Variants in F10 observed in about 807,000 individuals in gnomAD.
F10 encodes the protein coagulation factor X.
F10 carries 29 observed loss-of-function variants against 37.1 expected under a neutral mutation model. That is an observed-to-expected ratio of 0.78 (90% CI 0.58 to 1.07). The LOEUF (loss-of-function observed/expected upper bound fraction) is 1.07, where lower values mean the gene tolerates loss of function less well. F10 is among the 50% of genes least tolerant of loss of function. The pLI is 0.00. For synonymous variants in F10, 262 were observed against 268.6 expected (o/e 0.98, Z 0.24); for missense variants, 539 against 667.9 (o/e 0.81, Z 2.13).
intron 2 of F10, chr13:113,131,895 C>T (rs1490175039): frequency 6.6e-6 from 1 of 152,328 alleles, no homozygotes; most frequent in Non-Finnish European, 1.5e-5. Flanking sequence ...GGCTTCCGCC[C>T]ACAGCTGGTT....
rs768987953 is a variant in F10, at chr13:113,143,532, G to A, written c.503-319G>A. Among the ~76,000 whole-genome samples the A allele has an allele frequency of 2.5e-4, 38 of 152,094 alleles. No individual in the cohort carries two copies. The highest frequency in any genetic ancestry group is 5.9e-4 in the Admixed American group (9 of 15,278). ...CCGGCCCGTTTGTCTCTGTCCATCC[G>A]TCAAGCTTTCTTGACTTCTTGGTGC... On this transcript the variant is annotated intron_variant, in intron 5 of 7. Transcript: ENST00000375559. The surrounding 1 kb of genome is among the most constrained non-coding windows in gnomAD (Gnocchi z 6.8).
At chr13:113,132,143 G>A (rs892233310) in intron 2 of F10, 2 of 152,322 alleles carry the variant, frequency 1.3e-5, no homozygotes, top group Middle Eastern at 3.4e-3. Context: ...ATTAAATTAA[G>A]AATTCCTTTT....
In F10 at chr13:113,134,545, C is replaced by T. The variant is rs1369523752; in HGVS notation, c.232-3912C>T. Among the ~76,000 whole-genome samples, 4 of 152,276 alleles carry T rather than the reference C, an allele frequency of 2.6e-5. 1 individual carries two copies. Among genetic ancestry groups the T allele is most frequent in the Middle Eastern group, 6.8e-3 (2 of 294 alleles). ...CTCCCACGAGAACAGCATGGAGGAA[C>T]CACCCTCACGATTCAGTTACCTCCC... is the stretch of plus-strand genomic sequence containing the variant. On this transcript the variant is annotated intron_variant, in intron 2 of 7. Transcript: ENST00000375559.
intron 2 of F10, chr13:113,130,507 G>A (rs1342508630): frequency 6.6e-6 from 1 of 152,466 alleles, no homozygotes; most frequent in Non-Finnish European, 1.5e-5. Flanking sequence ...AGCCGAGAAG[G>A]GGGCCAAGCC....
chr13:113,139,409 C>T lies in F10; in HGVS notation c.309C>T (p.Asp103=), dbSNP rs757060893. 1.2e-5 allele frequency: 20 copies of T among 1,613,754 alleles called. No individual in the cohort carries two copies. Among genetic ancestry groups the T allele is most frequent in the East Asian group, 8.9e-5 (4 of 44,892 alleles). ...SPCQNQGKCK[D]GLGEYTCTCL... is the part of the protein sequence containing the mutation. Reference sequence around the variant, plus strand: ...GCCAGAACCAGGGCAAATGTAAAGACGGCCTCGGGGAATACACCTGCACCT... The same window carrying T: ...GCCAGAACCAGGGCAAATGTAAAGATGGCCTCGGGGAATACACCTGCACCT... The change falls in exon 4 of 8, where the codon GAC becomes GAT. Residue 103 remains aspartate (D), a synonymous_variant. Transcript: ENST00000375559. This position sits in a 1 kb window ranked among gnomAD's most constrained non-coding sequence, Gnocchi z 5.2.
intron 2 of F10, among the ~76,000 whole-genome samples, chr13:113,137,524 G>GT (rs1216269818): frequency 1.3e-5 from 2 of 152,160 alleles, no homozygotes; most frequent in Non-Finnish European, 2.9e-5. Flanking sequence ...AGAAGATAGT[G>GT]TATTTGCTTC....
At chr13:113,142,208 G>A (rs56284652) in intron 5 of F10, among the ~76,000 whole-genome samples, 9 of 152,112 alleles carry the variant, frequency 5.9e-5, no homozygotes, top group East Asian at 3.8e-4. Flanking sequence ...ACATACACAC[G>A]AATATTTTTT....
At position 113,149,489 on chromosome 13, in the gene F10, A is replaced by G; in HGVS notation, c.1439A>G (p.Glu480Gly). ...GLPKAKSHAP[E>G]VITSSPLK The stretch of plus-strand genomic sequence containing the variant: ...CCCAAGGCCAAGAGCCATGCCCCGG[A>G]GGTCATAACGTCCTCTCCATTAAAG... Residue 480 changes from glutamate to glycine, a missense_variant, in exon 8 of 8, where the codon GAG becomes GGG. Coordinates refer to ENST00000375559, the MANE Select transcript of F10 (RefSeq NM_000504.4). This position sits in a 1 kb window ranked among gnomAD's most constrained non-coding sequence, Gnocchi z 7.5. 1 of 1,613,192 alleles carries G rather than the reference A, an allele frequency of 6.2e-7. No individual in the cohort carries two copies. The highest frequency in any genetic ancestry group is 1.1e-5 in the South Asian group (1 of 91,084).
Position 113,143,735 on chromosome 13 carries a change from G to GGT in F10, c.503-115_503-114insTG. On this transcript the variant is annotated intron_variant, in intron 5 of 7. Transcript: ENST00000375559. This position sits in a 1 kb window ranked among gnomAD's most constrained non-coding sequence, Gnocchi z 6.8. ...CGCCCTGCAAGCCCGCTGCCCCTCC[G>GGT]GGTGCCCCTGCGCTCTGCCTCCCGG... is the stretch of plus-strand genomic sequence containing the variant. The GGT allele has an allele frequency of 6.8e-7, 1 of 1,473,320 alleles. No individual in the cohort carries two copies. Among genetic ancestry groups the GGT allele is most frequent in the South Asian group, 1.3e-5 (1 of 79,114 alleles). 91.3% of individuals were successfully genotyped at this position (1,473,320 alleles called of 1,614,324 possible).
chr13:113,129,875 C>A, intron 2 of F10: 1 of 530,846 alleles, frequency 1.9e-6, no homozygotes, highest in South Asian at 2.0e-5. Context: ...CACAGGGCTT[C>A]TGCCAGAGTT....
In F10 at chr13:113,147,402, C is replaced by T. The variant is rs531375253; in HGVS notation, c.771C>T (p.Asn257=). ...PWQALLINEE[N]EGFCGGTILS... ...AGGCCCTGCTCATCAATGAGGAAAACGAGGGTTTCTGTGGTGGAACCATTC... is the reference window on the plus strand; with the variant it reads ...AGGCCCTGCTCATCAATGAGGAAAATGAGGGTTTCTGTGGTGGAACCATTC... Residue 257 remains asparagine (N), a synonymous_variant, in exon 7 of 8, where the codon AAC becomes AAT. Transcript: ENST00000375559. 62 of 1,613,460 alleles carry T rather than the reference C, an allele frequency of 3.8e-5. 1 individual carries two copies. The highest frequency in any genetic ancestry group is 3.6e-4 in the East Asian group (16 of 44,878).
intron 1 of F10, 119 bp downstream of exon 1, chr13:113,123,044 G>A: frequency 8.3e-7 from 1 of 1,211,606 alleles, no homozygotes; most frequent in South Asian, 1.3e-5. Context: ...TGCTGCCAGA[G>A]GCTGGGCTCG....
intron 2 of F10, chr13:113,129,863 G>A (rs986614516): frequency 1.8e-6 from 1 of 548,932 alleles, no homozygotes; most frequent in African/African-American, 1.9e-5. Flanking sequence ...TCCCTTGAGG[G>A]TCACAGGGCT....
rs773092438 is a variant in F10 at position 113,147,364 on chromosome 13, T to A, written c.748-15T>A. 1.7e-5 allele frequency: 27 copies of A among 1,575,532 alleles called. No individual in the cohort carries two copies. In the East Asian group the frequency reaches 5.1e-4, roughly 30 times the overall value. The stretch of plus-strand genomic sequence containing the variant: ...CACCTGGCCAGCCACACTGAGCCTG[T>A]CACGTCTGTCACAGGCCCTGCTCAT... On this transcript the variant is annotated splice_polypyrimidine_tract_variant and intron_variant, in intron 6 of 7. Transcript: ENST00000375559.
intron 2 of F10, chr13:113,131,886 G>GCTTC (rs2036437683): frequency 6.6e-6 from 1 of 152,310 alleles, no homozygotes; most frequent in Non-Finnish European, 1.5e-5. Flanking sequence ...TGGAATATGG[G>GCTTC]CTTCCGCCCA....
rs1043609438 is a variant in F10, at chr13:113,139,912, A to G, written c.370+442A>G. On this transcript the variant is annotated intron_variant, in intron 4 of 7. Coordinates refer to ENST00000375559, the MANE Select transcript of F10 (RefSeq NM_000504.4). The surrounding 1 kb of genome is among the most constrained non-coding windows in gnomAD (Gnocchi z 5.2). ...ATTTGTGAATATTTGTGATTGGCCA[A>G]TTATAAAAATTTGATACATTTAATT... Among the ~76,000 whole-genome samples the G allele has an allele frequency of 6.6e-6, 1 of 152,188 alleles. No homozygotes were observed. The highest frequency in any genetic ancestry group is 2.1e-4 in the South Asian group (1 of 4,830).
chr13:113,146,199 G>C lies in F10; in HGVS notation c.748-1180G>C, dbSNP rs1012538045. On this transcript the variant is annotated intron_variant, in intron 6 of 7. Coordinates refer to ENST00000375559, the MANE Select transcript of F10 (RefSeq NM_000504.4). The surrounding 1 kb of genome is among the most constrained non-coding windows in gnomAD (Gnocchi z 4.5). ...TGTGTCAGGCACTGAGCCGGGTGCTGTGTAGGTGGGATATGAAACCATGAA... is the reference window on the plus strand; with the variant it reads ...TGTGTCAGGCACTGAGCCGGGTGCTCTGTAGGTGGGATATGAAACCATGAA... 1.3e-5 allele frequency among the ~76,000 whole-genome samples: 2 copies of C among 152,228 alleles called. No individual in the cohort carries two copies. Among genetic ancestry groups the C allele is most frequent in the East Asian group, 3.9e-4 (2 of 5,194 alleles).
chr13:113,144,150 C>T lies in F10; in HGVS notation c.747+55C>T. 6.2e-7 allele frequency: 1 copy of T among 1,610,092 alleles called. No homozygotes were observed. The highest frequency in any genetic ancestry group is 8.5e-7 in the Non-Finnish European group (1 of 1,179,430). On this transcript the variant is annotated intron_variant, in intron 6 of 7. Transcript: ENST00000375559. This position sits in a 1 kb window ranked among gnomAD's most constrained non-coding sequence, Gnocchi z 6.4. ...TGGAGAGACCACCTGTCCCGCTGTG[C>T]ACCTCGGGGAGGCCAGCCTGACACT...
chr13:113,139,487 G>C lies in F10; in HGVS notation c.370+17G>C. The C allele has an allele frequency of 6.3e-7, 1 of 1,596,470 alleles. No individual in the cohort carries two copies. Among genetic ancestry groups the C allele is most frequent in the Non-Finnish European group, 8.6e-7 (1 of 1,164,126 alleles). ...GTGAATTATGTAGGTTCCTCTGCTT[G>C]GTATACCTTCAGATCAGATGCCCCT... On this transcript the variant is annotated intron_variant, in intron 4 of 7. Transcript: ENST00000375559. The surrounding 1 kb of genome is among the most constrained non-coding windows in gnomAD (Gnocchi z 5.2).
Sources: gnomAD v4.1 joint callset for allele counts (sites outside exome capture counted in the v4.1 genomes callset) on GRCh38, gnomAD v4.1.1 for gene constraint, Gnocchi (gnomAD v3.1) non-coding constraint, MANE v1.5 for transcripts, NCBI Gene and HGNC (gene_info 2026-07-23, HGNC 2026-07-21) for gene names.